INSR: variants seen among roughly 807,000 people sequenced by gnomAD.
INSR encodes insulin receptor.
Under a neutral mutation model 142.6 loss-of-function variants are expected in INSR, and 67 were observed. That is an observed-to-expected ratio of 0.47 (90% CI 0.39 to 0.58). The LOEUF (loss-of-function observed/expected upper bound fraction) is 0.58. Ranked by LOEUF, INSR falls within the 20% of genes least tolerant of loss-of-function variation. INSR has a pLI of 0.00. For synonymous variants in INSR, 756 were observed against 743.1 expected, an observed-to-expected ratio of 1.02 and a Z score of -0.28; for missense variants, 1,248 against 1,833.2, an observed-to-expected ratio of 0.68 and a Z score of 5.83.
intron 1 of INSR, among the ~76,000 whole-genome samples, chr19:7,276,096 TAA>T (rs1449144075): frequency 3.3e-5 from 5 of 152,134 alleles, no homozygotes; most frequent in Non-Finnish European, 5.9e-5. Context: ...TTTACAATGC[TAA>T]GAGTTTTCTA....
At chr19:7,129,998 C>A (rs538236969) in intron 14 of INSR, among the ~76,000 whole-genome samples, 1 of 151,700 alleles carries the variant, frequency 6.6e-6, no homozygotes, top group Non-Finnish European at 1.5e-5. Context: ...CTCAGCCTCC[C>A]AAAGTTCTGG....
chr19:7,153,477 C>CGCACCACACACA (rs1403029051), intron 9 of INSR, among the ~76,000 whole-genome samples: 1 of 131,926 alleles, frequency 7.6e-6, no homozygotes, highest in African/African-American at 2.9e-5. Context: ...CACACACACA[C>CGCACCACACACA]CACACACGCA....
At chr19:7,197,930 T>A (rs1247160497) in intron 2 of INSR, among the ~76,000 whole-genome samples, 21 of 146,004 alleles carry the variant, frequency 1.4e-4, no homozygotes, top group South Asian at 6.5e-4. Context: ...TGTGTGTGTG[T>A]GTGTGTGTGT....
At chr19:7,149,991 A>C (rs1973293346) in intron 11 of INSR, among the ~76,000 whole-genome samples, 1 of 143,592 alleles carries the variant, frequency 7.0e-6, no homozygotes, top group Non-Finnish European at 1.5e-5. Flanking sequence ...GAAGGAAGAG[A>C]TCCCTGACTC....
At chr19:7,256,929 A>G (rs1178888558) in intron 2 of INSR, among the ~76,000 whole-genome samples, 1 of 118,026 alleles carries the variant, frequency 8.5e-6, no homozygotes, top group Non-Finnish European at 1.7e-5. Flanking sequence ...GCTCTACCCT[A>G]CCTTTTTTTT....
intron 6 of INSR, 56 bp downstream of exon 6, chr19:7,170,481 C>T (rs1389402631): frequency 7.3e-7 from 1 of 1,370,438 alleles, no homozygotes; most frequent in Non-Finnish European, 1.0e-6. Flanking sequence ...CATGGAAAAA[C>T]CATCTTCCAC....
chr19:7,170,762 AAC>A lies in INSR; in HGVS notation c.1269-13_1269-12del, dbSNP rs764762243. The A allele has an allele frequency of 1.3e-6, 2 of 1,597,616 alleles. No individual in the cohort carries two copies. The highest frequency in any genetic ancestry group is 1.1e-5 in the South Asian group (1 of 90,796). The stretch of plus-strand genomic sequence containing the variant: ...TAGAAGGAGTAGTTCCTATGGAAAA[AAC>A]ACACACATCTAGTCATTCAACGGCT... On this transcript the variant is annotated splice_polypyrimidine_tract_variant and intron_variant, in intron 5 of 21. Coordinates refer to ENST00000302850, the MANE Select transcript of INSR (RefSeq NM_000208.4).
At chr19:7,191,224 G>A (rs966631396) in intron 2 of INSR, among the ~76,000 whole-genome samples, 3 of 152,028 alleles carry the variant, frequency 2.0e-5, no homozygotes, top group African/African-American at 7.2e-5. Context: ...TTGAACCCGG[G>A]AGGCGGGGGT....
chr19:7,233,183 G>A (rs1476643918), intron 2 of INSR, among the ~76,000 whole-genome samples: 2 of 151,938 alleles, frequency 1.3e-5, no homozygotes, highest in African/African-American at 2.4e-5. Flanking sequence ...TAATAGAGAC[G>A]GGGTTTCACC....
At position 7,150,874 on chromosome 19, in the gene INSR, TTCTC is replaced by T. The variant is rs1053472815; in HGVS notation, c.2232-346_2232-343del. 4.6e-5 allele frequency among the ~76,000 whole-genome samples: 7 copies of T among 151,992 alleles called. No homozygotes were observed. The highest frequency in any genetic ancestry group is 1.4e-4 in the African/African-American group (6 of 41,424). ...TTCTTTTCTTTCCCTTCTTTCTTCT[TTCTC>T]TCTCTCTTTCTGGTTTCTTTCCTCT... On this transcript the variant is annotated intron_variant, in intron 10 of 21. Transcript: ENST00000302850. This position sits in a 1 kb window ranked among gnomAD's most constrained non-coding sequence, Gnocchi z 4.2.
Position 7,216,994 on chromosome 19 carries a change from TTCTTC to T in INSR, c.653-32362_653-32358del, listed in dbSNP as rs1300238753. ...GCCCAGCTAATTTTTCTTCTTCTTC[TTCTTC>T]TTTTTTTTTTTTTTGTAGAGATGGG... is the stretch of plus-strand genomic sequence containing the variant. On this transcript the variant is annotated intron_variant, in intron 2 of 21. Coordinates refer to ENST00000302850, the MANE Select transcript of INSR (RefSeq NM_000208.4). The surrounding 1 kb of genome is among the most constrained non-coding windows in gnomAD (Gnocchi z 4.2). Among the ~76,000 whole-genome samples the T allele has an allele frequency of 6.9e-4, 14 of 20,368 alleles. 1 individual carries two copies. The highest frequency in any genetic ancestry group is 2.3e-3 in the African/African-American group (5 of 2,160). 13.4% of individuals were successfully genotyped at this position (20,368 alleles called of 152,430 possible).
At chr19:7,258,877 C>A (rs1169066359) in intron 2 of INSR, among the ~76,000 whole-genome samples, 1 of 148,676 alleles carries the variant, frequency 6.7e-6, no homozygotes, top group Non-Finnish European at 1.5e-5. Context: ...TTGGCAGGGG[C>A]AAATTCTAGA....
intron 2 of INSR, among the ~76,000 whole-genome samples, chr19:7,211,907 C>T (rs1975285817): frequency 1.4e-5 from 2 of 141,104 alleles, no homozygotes; most frequent in Non-Finnish European, 2.9e-5. Flanking sequence ...TGTATTCTCA[C>T]GAATTCAACA....
chr19:7,246,785 G>A (rs1976548941), intron 2 of INSR, among the ~76,000 whole-genome samples: 1 of 152,000 alleles, frequency 6.6e-6, no homozygotes, highest in African/African-American at 2.4e-5. Flanking sequence ...CTATGTTTCA[G>A]GGTGGTTTGT....
chr19:7,209,190 G>C (rs1975203735), intron 2 of INSR, among the ~76,000 whole-genome samples: 1 of 152,156 alleles, frequency 6.6e-6, no homozygotes, highest in African/African-American at 2.4e-5. Flanking sequence ...GCTGGGCATA[G>C]TGGCACACAC....
rs142989016 is a variant in INSR, at chr19:7,162,418, A to G, written c.2029+614T>C. Reference sequence around the variant, plus strand: ...TCCAGCAACTCATGAGGCTGAGGCAAGAGGATTGCTTGAGCCTGGGAGGTG... The same window carrying G: ...TCCAGCAACTCATGAGGCTGAGGCAGGAGGATTGCTTGAGCCTGGGAGGTG... On this transcript the variant is annotated intron_variant, in intron 9 of 21. Coordinates refer to ENST00000302850, the MANE Select transcript of INSR (RefSeq NM_000208.4). Among the ~76,000 whole-genome samples the G allele has an allele frequency of 6.5e-3, 967 of 149,198 alleles. 5 individuals are homozygous for G. The highest frequency in any genetic ancestry group is 0.064 in the Middle Eastern group (18 of 280).
chr19:7,132,509 A>T (rs541515665), intron 13 of INSR, among the ~76,000 whole-genome samples, 192 bp from the exon 14 acceptor site: 3 of 152,334 alleles, frequency 2.0e-5, no homozygotes, highest in Non-Finnish European at 4.4e-5. Context: ...ATAAAGATAT[A>T]TGCAGAGGTT....
intron 1 of INSR, among the ~76,000 whole-genome samples, chr19:7,277,814 G>A (rs998812152): frequency 2.7e-5 from 4 of 148,386 alleles, no homozygotes; most frequent in South Asian, 2.1e-4. Flanking sequence ...AACCAAGGCC[G>A]GACACGGTGG....
chr19:7,212,042 C>T (rs1289816556), intron 2 of INSR, among the ~76,000 whole-genome samples: 1 of 152,092 alleles, frequency 6.6e-6, no homozygotes, highest in Non-Finnish European at 1.5e-5. Flanking sequence ...AGAGTCGGAT[C>T]TTCATCTGGG....
Sources: gnomAD v4.1 joint callset for allele counts (sites outside exome capture counted in the v4.1 genomes callset) on GRCh38, gnomAD v4.1.1 for gene constraint, Gnocchi (gnomAD v3.1) non-coding constraint, MANE v1.5 for transcripts, NCBI Gene and HGNC (gene_info 2026-07-23, HGNC 2026-07-21) for gene names.